The following UBAP2L variants were observed in gnomAD, a reference collection of about 807,000 sequenced individuals.
UBAP2L encodes ubiquitin associated protein 2 like.
Under a neutral mutation model 130.6 loss-of-function variants are expected in UBAP2L, and 12 were observed. The observed-to-expected ratio is 0.09, with a 90% CI of 0.06 to 0.15. The LOEUF (loss-of-function observed/expected upper bound fraction) is 0.15, where lower values mean the gene tolerates loss of function less well. UBAP2L is among the 10% of genes least tolerant of loss of function. The probability of loss-of-function intolerance (pLI) is 1.00; values close to 1 mark genes in which losing one functional copy is unlikely to be tolerated. For synonymous variants in UBAP2L, 503 were observed against 524.7 expected, an observed-to-expected ratio of 0.96 and a Z score of 0.57; for missense variants, 965 against 1,332.5, an observed-to-expected ratio of 0.72 and a Z score of 4.29.
chr1:154,254,719 T>C, intron 15 of UBAP2L, 117 bp from the exon 16 acceptor site: 1 of 1,120,214 alleles, frequency 8.9e-7, no homozygotes, highest in Non-Finnish European at 1.3e-6. Flanking sequence ...TTTTGGTTAA[T>C]TTACAGAGTT....
upstream of UBAP2L, chr1:154,220,504 A>G (rs2148352347): frequency 1.4e-6 from 2 of 1,390,902 alleles, no homozygotes; most frequent in Admixed American, 1.7e-5. Context: ...GGTCCCCTGG[A>G]GCTCCCCGGC....
chr1:154,267,869 T>A (rs1248870456), intron 25 of UBAP2L, among the ~76,000 whole-genome samples: 1 of 140,282 alleles, frequency 7.1e-6, no homozygotes, highest in Non-Finnish European at 1.5e-5. Flanking sequence ...CATTCCATCC[T>A]CTTATTTGGT....
chr1:154,230,980 C>T (rs1669656067), intron 4 of UBAP2L, among the ~76,000 whole-genome samples: 1 of 152,210 alleles, frequency 6.6e-6, no homozygotes, highest in Non-Finnish European at 1.5e-5. Flanking sequence ...TGTTTTGAGT[C>T]TAGCTTCCAG....
intron 4 of UBAP2L, among the ~76,000 whole-genome samples, chr1:154,230,854 ATTCT>A (rs1426499461): frequency 2.0e-5 from 3 of 152,220 alleles, no homozygotes; most frequent in African/African-American, 7.2e-5. Flanking sequence ...GATAATAGTA[ATTCT>A]TTCTCCTGAC....
At position 154,257,249 on chromosome 1, in the gene UBAP2L, A is replaced by G. The variant is rs1679969465; in HGVS notation, c.2344A>G (p.Thr782Ala). The G allele has an allele frequency of 6.2e-7, 1 of 1,614,236 alleles. No homozygotes were observed. The highest frequency in any genetic ancestry group is 8.5e-7 in the Non-Finnish European group (1 of 1,180,038). ...VTASTRSSVA[T>A]TSGKAPPNLP... is the part of the protein sequence containing the mutation. ...AGCCTCGACTCGAAGCTCAGTTGCTACGACTTCAGGTAGCCTTGCATAAGC... is the reference window on the plus strand; with the variant it reads ...AGCCTCGACTCGAAGCTCAGTTGCTGCGACTTCAGGTAGCCTTGCATAAGC... Residue 782 changes from threonine (T) to alanine (A), a missense_variant, in exon 19 of 27, where the codon ACG (threonine) becomes GCG (alanine). Thr to Ala is a moderately conservative substitution (Grantham distance 58, BLOSUM62 0). Transcript: ENST00000428931.
intron 12 of UBAP2L, 62 bp downstream of exon 12, chr1:154,249,499 G>T: frequency 1.3e-6 from 2 of 1,599,898 alleles, no homozygotes; most frequent in Non-Finnish European, 1.7e-6. Context: ...CAAGAGGCTA[G>T]CAGGGGGAGG....
chr1:154,271,343 G>C (rs1355982115), downstream of UBAP2L: 1 of 189,092 alleles, frequency 5.3e-6, no homozygotes, highest in African/African-American at 2.4e-5. Flanking sequence ...GGTGAGGGAT[G>C]AAAGACTACA....
At chr1:154,251,716 G>A in intron 14 of UBAP2L, 63 bp downstream of exon 14, 1 of 1,583,984 alleles carries the variant, frequency 6.3e-7, no homozygotes, top group Non-Finnish European at 8.6e-7. Flanking sequence ...TAATCTGTGG[G>A]AGATTTCTAG....
Position 154,270,657 on chromosome 1 carries a change from C to T in UBAP2L, c.*362C>T. On this transcript the variant is annotated 3_prime_UTR_variant, in exon 27 of 27. Transcript: ENST00000428931. ...CCCCAAACATATATCAGCCCAACAG[C>T]CCTAAGTCTCCTTCTTTATTATTAG... 1 of 1,413,896 alleles carries T rather than the reference C, an allele frequency of 7.1e-7. No homozygotes were observed. Among genetic ancestry groups the T allele is most frequent in the East Asian group, 2.6e-5 (1 of 38,466 alleles). 87.6% of individuals were successfully genotyped at this position (1,413,896 alleles called of 1,614,324 possible). A position where few individuals can be genotyped will look rare whatever the true frequency, so the allele number is the denominator to read the frequency against.
chr1:154,266,757 G>GA (rs1441911341), intron 25 of UBAP2L, among the ~76,000 whole-genome samples, 189 bp downstream of exon 25: 14 of 151,786 alleles, frequency 9.2e-5, no homozygotes, highest in South Asian at 2.1e-4. Flanking sequence ...AGCCCTCTGA[G>GA]AAAAAAAACG....
intron 8 of UBAP2L, 131 bp from the exon 9 acceptor site, chr1:154,241,382 C>A: frequency 1.3e-6 from 1 of 776,480 alleles, no homozygotes; most frequent in Non-Finnish European, 2.1e-6. Context: ...GCCACCACAC[C>A]TGGCCTTCTG....
At chr1:154,223,505 C>T (rs1367511455) in intron 1 of UBAP2L, among the ~76,000 whole-genome samples, 3 of 136,474 alleles carry the variant, frequency 2.2e-5, no homozygotes, top group Admixed American at 7.9e-5. Context: ...GATTTGGATT[C>T]GGGGTACTTG....
chr1:154,246,205 A>G lies in UBAP2L; in HGVS notation c.844A>G (p.Ile282Val). 1.2e-6 allele frequency: 2 copies of G among 1,606,436 alleles called. No homozygotes were observed. The highest frequency in any genetic ancestry group is 1.7e-6 in the Non-Finnish European group (2 of 1,174,280). Residue 282 changes from isoleucine to valine, a missense_variant and splice_region_variant, in exon 11 of 27, where the codon ATT becomes GTT. Transcript: ENST00000428931. ...AAGATCCCTTCCCTTCCCCATTAGA[A>G]TTGACCTTGCTGTTCTGCTGGGGAA... ...ENVTITAGQR[I>V]DLAVLLGKTP...
In UBAP2L at chr1:154,270,622, G is replaced by A. The variant is rs1444335235; in HGVS notation, c.*327G>A. On this transcript the variant is annotated 3_prime_UTR_variant, in exon 27 of 27. Coordinates refer to ENST00000428931, the MANE Select transcript of UBAP2L (RefSeq NM_014847.4). The stretch of plus-strand genomic sequence containing the variant: ...CCTGGTGGTGTACGGATGAGGCGGG[G>A]AGGTGGGACCCCCAAACATATATCA... 4 of 1,409,616 alleles carry A rather than the reference G, an allele frequency of 2.8e-6. No homozygotes were observed. The East Asian group carries it at 1.1e-4, about 37-fold the overall frequency. 87.3% of individuals were successfully genotyped at this position (1,409,616 alleles called of 1,614,324 possible). A position where few individuals can be genotyped will look rare whatever the true frequency, so the allele number is the denominator to read the frequency against.
chr1:154,270,316 G>A lies in UBAP2L; in HGVS notation c.*21G>A, dbSNP rs750407635. 1.3e-5 allele frequency: 21 copies of A among 1,613,448 alleles called. No individual in the cohort carries two copies. The East Asian group carries it at 2.5e-4, about 19-fold the overall frequency. ...ACTGAGGCCCTGACCCTCTTCTCCC[G>A]GTCCCATCTTCTGAGAGGGCTTCTC... On this transcript the variant is annotated 3_prime_UTR_variant, in exon 27 of 27. Coordinates refer to ENST00000428931, the MANE Select transcript of UBAP2L (RefSeq NM_014847.4).
chr1:154,238,739 C>G, intron 8 of UBAP2L, among the ~76,000 whole-genome samples: 1 of 151,240 alleles, frequency 6.6e-6, no homozygotes, highest in Non-Finnish European at 1.5e-5. Context: ...TTTTTTTTTT[C>G]TTTTCTTTTT....
chr1:154,255,101 A>C, intron 16 of UBAP2L, 51 bp from the exon 17 acceptor site: 1 of 1,596,642 alleles, frequency 6.3e-7, no homozygotes, highest in Non-Finnish European at 8.6e-7. Flanking sequence ...ACCTCTCTAT[A>C]GACATTCCCT....
intron 2 of UBAP2L, 25 bp from the exon 3 acceptor site, chr1:154,227,257 T>C (rs1668270483): frequency 6.2e-7 from 1 of 1,603,574 alleles, no homozygotes; most frequent in Admixed American, 1.7e-5. Context: ...TGATTATGCT[T>C]TCTTGATCTC....
At chr1:154,265,189 A>G (rs1246859065) in intron 24 of UBAP2L, among the ~76,000 whole-genome samples, 1 of 152,244 alleles carries the variant, frequency 6.6e-6, no homozygotes. Flanking sequence ...TACCACTTCA[A>G]AAGTGACTGT....
Sources: gnomAD v4.1 joint callset for allele counts (sites outside exome capture counted in the v4.1 genomes callset) on GRCh38, gnomAD v4.1.1 for gene constraint, MANE v1.5 for transcripts, NCBI Gene and HGNC (gene_info 2026-07-23, HGNC 2026-07-21) for gene names.